Variants in KAZN observed in about 807,000 individuals in gnomAD.
KAZN encodes the protein kazrin, periplakin interacting protein, also known as kazrin.
A neutral mutation model predicts 87.4 loss-of-function variants in KAZN; 40 were observed. That is an observed-to-expected ratio of 0.46 (90% CI 0.36 to 0.60). KAZN has a LOEUF of 0.60. Among genes scored for constraint, KAZN ranks in the 20% least tolerant of loss-of-function variants. The pLI is 0.00. For synonymous variants in KAZN, 466 were observed against 458.3 expected (o/e 1.02, Z -0.22); for missense variants, 898 against 1,073.9 (o/e 0.84, Z 2.29).
chr1:14,599,027 C>T lies in KAZN; in HGVS notation c.30C>T (p.Leu10=), dbSNP rs1456060542. MMEDNKQLA[L]RIDGAVQSAS... ...TGGAAGACAATAAGCAGCTCGCGCT[C>T]CGCATCGATGGGGCGGTCCAGTCGG... The change falls in exon 1 of 15, where the codon CTC becomes CTT. Residue 10 remains leucine, a synonymous_variant. Coordinates refer to ENST00000376030, the MANE Select transcript of KAZN (RefSeq NM_201628.3). This position sits in a 1 kb window ranked among gnomAD's most constrained non-coding sequence, Gnocchi z 4.4. 2 of 1,570,356 alleles carry T rather than the reference C, an allele frequency of 1.3e-6. No individual in the cohort carries two copies. Among genetic ancestry groups the T allele is most frequent in the East Asian group, 2.6e-5 (1 of 38,846 alleles).
chr1:14,933,607 A>G (rs891629015), intron 1 of KAZN, among the ~76,000 whole-genome samples: 2 of 149,542 alleles, frequency 1.3e-5, no homozygotes, highest in East Asian at 1.9e-4. Context: ...CAGCACCTTG[A>G]TATGTCTCTG....
At chr1:15,040,416 C>G (rs4661315) in intron 3 of KAZN, among the ~76,000 whole-genome samples, 54,844 of 151,934 alleles carry the variant, frequency 0.36, 10,451 homozygotes, top group Non-Finnish European at 0.43. Flanking sequence ...TACTGGGAGT[C>G]GGGGGATGGC....
chr1:14,601,760 G>C (rs1307212449), intron 1 of KAZN, among the ~76,000 whole-genome samples: 1 of 152,176 alleles, frequency 6.6e-6, no homozygotes, highest in Non-Finnish European at 1.5e-5. Context: ...AATGGGCCCA[G>C]ACCCTAAGAG....
At chr1:13,946,516 CTG>C (rs1641152228) in intron 1 of KAZN, among the ~76,000 whole-genome samples, 1 of 152,202 alleles carries the variant, frequency 6.6e-6, no homozygotes, top group Non-Finnish European at 1.5e-5. Flanking sequence ...GTTATACTCA[CTG>C]TAGAAAATTG....
chr1:15,016,695 C>A (rs1670145083), intron 2 of KAZN, among the ~76,000 whole-genome samples: 1 of 152,208 alleles, frequency 6.6e-6, no homozygotes. Flanking sequence ...CCAGGCTCAT[C>A]TGCACAAGGC....
chr1:14,798,059 C>A (rs533009277), intron 1 of KAZN, among the ~76,000 whole-genome samples: 1 of 152,184 alleles, frequency 6.6e-6, no homozygotes, highest in African/African-American at 2.4e-5. Flanking sequence ...GTTAAGAAAA[C>A]TGTCTGAGTC....
chr1:14,372,975 T>C (rs1016150249), intron 2 of KAZN, among the ~76,000 whole-genome samples: 1 of 152,052 alleles, frequency 6.6e-6, no homozygotes, highest in Non-Finnish European at 1.5e-5. Context: ...AAAGAGCCTA[T>C]GTAGACAGAG....
At chr1:14,318,535 T>C (rs1655814128) in intron 2 of KAZN, among the ~76,000 whole-genome samples, 1 of 152,048 alleles carries the variant, frequency 6.6e-6, no homozygotes, top group Admixed American at 6.6e-5. Flanking sequence ...GGTATGGTTT[T>C]CTTTGTGTTT....
At chr1:14,957,655 G>C (rs56283553) in intron 1 of KAZN, among the ~76,000 whole-genome samples, 13,206 of 152,226 alleles carry the variant, frequency 0.087, 1,880 homozygotes, top group African/African-American at 0.3. Flanking sequence ...GGCTGAGACA[G>C]GCTGATGGGA....
intron 1 of KAZN, among the ~76,000 whole-genome samples, chr1:14,788,870 T>A (rs1451228379): frequency 6.6e-6 from 1 of 152,184 alleles, no homozygotes; most frequent in Non-Finnish European, 1.5e-5. Context: ...CCACCTCTGA[T>A]GTCTGGGACA....
chr1:14,869,297 G>A (rs56208113), intron 1 of KAZN, among the ~76,000 whole-genome samples: 3,153 of 152,100 alleles, frequency 0.021, 113 homozygotes, highest in African/African-American at 0.071. Flanking sequence ...GTGAGCTCGC[G>A]ACCTTTCATT....
chr1:14,401,973 C>T (rs1193313526), intron 2 of KAZN, among the ~76,000 whole-genome samples: 1 of 151,742 alleles, frequency 6.6e-6, no homozygotes, highest in African/African-American at 2.4e-5. Context: ...CATCTATTAT[C>T]CAACATTATA....
intron 1 of KAZN, among the ~76,000 whole-genome samples, chr1:14,113,164 A>G (rs565085535): frequency 6.6e-6 from 1 of 152,262 alleles, no homozygotes; most frequent in African/African-American, 2.4e-5. Flanking sequence ...GGGGATCCCC[A>G]TGCAATTTCA....
chr1:14,923,059 G>A lies in KAZN; in HGVS notation c.227-37625G>A, dbSNP rs1206130744. 6.6e-6 allele frequency among the ~76,000 whole-genome samples: 1 copy of A among 152,250 alleles called. No homozygotes were observed. Among genetic ancestry groups the A allele is most frequent in the Non-Finnish European group, 1.5e-5 (1 of 68,048 alleles). ...CAGCTTGTTGGACAGCCATAGGCCAGTGACCTAGAAATTTGCACATCTCAG... is the reference window on the plus strand; with the variant it reads ...CAGCTTGTTGGACAGCCATAGGCCAATGACCTAGAAATTTGCACATCTCAG... On this transcript the variant is annotated intron_variant, in intron 1 of 14. Transcript: ENST00000376030. The surrounding 1 kb of genome is among the most constrained non-coding windows in gnomAD (Gnocchi z 4.2).
At chr1:14,412,409 GACAT>G (rs530198688) in intron 2 of KAZN, among the ~76,000 whole-genome samples, 23 of 152,196 alleles carry the variant, frequency 1.5e-4, no homozygotes, top group Admixed American at 1.2e-3. Flanking sequence ...TCAAAGAATT[GACAT>G]ACAAACTGAT....
At chr1:15,001,215 A>C (rs1198883046) in intron 2 of KAZN, among the ~76,000 whole-genome samples, 2 of 151,366 alleles carry the variant, frequency 1.3e-5, no homozygotes, top group Middle Eastern at 3.4e-3. Flanking sequence ...TAATCCCAGC[A>C]CTTTGGGAGG....
chr1:13,967,685 C>T, intron 1 of KAZN, among the ~76,000 whole-genome samples: 1 of 152,192 alleles, frequency 6.6e-6, no homozygotes, highest in Non-Finnish European at 1.5e-5. Context: ...TGCCTTCATA[C>T]GTTCCATGGG....
chr1:14,664,803 A>G (rs904587761), intron 1 of KAZN, among the ~76,000 whole-genome samples: 7 of 151,772 alleles, frequency 4.6e-5, no homozygotes, highest in South Asian at 2.1e-4. Flanking sequence ...ACAGGTACCC[A>G]CCACCACGCC....
intron 1 of KAZN, among the ~76,000 whole-genome samples, chr1:14,794,346 C>G (rs1377408508): frequency 6.6e-6 from 1 of 152,220 alleles, no homozygotes; most frequent in South Asian, 2.1e-4. Flanking sequence ...AGAGTGTCTA[C>G]TACCAGAACC....
Sources: gnomAD v4.1 joint callset for allele counts (sites outside exome capture counted in the v4.1 genomes callset) on GRCh38, gnomAD v4.1.1 for gene constraint, Gnocchi (gnomAD v3.1) non-coding constraint, MANE v1.5 for transcripts, NCBI Gene and HGNC (gene_info 2026-07-23, HGNC 2026-07-21) for gene names.